The following SLIT3 variants were observed in gnomAD, a reference collection of about 807,000 sequenced individuals.
SLIT3 encodes slit homolog 3 protein.
In SLIT3, 68 loss-of-function variants were observed where a neutral mutation model predicts 184.0. The ratio of observed to expected loss-of-function variants is 0.37; its 90% CI spans 0.30 to 0.45. The LOEUF is 0.45. SLIT3 is among the 20% of genes least tolerant of loss of function. SLIT3 has a pLI of 1.00. For synonymous variants in SLIT3, 831 were observed against 828.6 expected (o/e 1.00, Z -0.05); for missense variants, 1,707 against 2,026.0 (o/e 0.84, Z 3.02).
chr5:169,258,033 T>C (rs1483682491), intron 1 of SLIT3, among the ~76,000 whole-genome samples: 1 of 152,182 alleles, frequency 6.6e-6, no homozygotes, highest in Non-Finnish European at 1.5e-5. Flanking sequence ...ACAGCAACCA[T>C]ATATGGTAGG....
At chr5:168,751,570 C>G (rs968750012) in intron 18 of SLIT3, among the ~76,000 whole-genome samples, 2 of 152,172 alleles carry the variant, frequency 1.3e-5, no homozygotes, top group Non-Finnish European at 2.9e-5. Context: ...CAGCCAGGAT[C>G]TGAACCTAGG....
intron 4 of SLIT3, among the ~76,000 whole-genome samples, chr5:168,935,360 C>T (rs964110306): frequency 6.6e-6 from 1 of 152,104 alleles, no homozygotes; most frequent in East Asian, 1.9e-4. Context: ...GGCCACACCC[C>T]CTCCAGGAAG....
intron 2 of SLIT3, among the ~76,000 whole-genome samples, chr5:169,249,403 T>A (rs901136680): frequency 3.3e-5 from 5 of 152,206 alleles, no homozygotes; most frequent in African/African-American, 1.2e-4. Flanking sequence ...TTGTAGACCA[T>A]CCAGGGGATA....
chr5:168,754,188 G>A (rs1366280882), intron 16 of SLIT3, among the ~76,000 whole-genome samples, 181 bp from the exon 17 acceptor site: 3 of 152,194 alleles, frequency 2.0e-5, no homozygotes, highest in African/African-American at 7.2e-5. Context: ...CTGGCCCAGG[G>A]AGCAGGGACC....
chr5:168,915,192 C>T (rs1188792038), intron 4 of SLIT3, among the ~76,000 whole-genome samples: 1 of 152,132 alleles, frequency 6.6e-6, no homozygotes, highest in Non-Finnish European at 1.5e-5. Context: ...CTTTGCTTTT[C>T]ATATGAATTC....
At chr5:168,929,527 G>T (rs77183089) in intron 4 of SLIT3, among the ~76,000 whole-genome samples, 160 of 152,308 alleles carry the variant, frequency 1.1e-3, no homozygotes, top group Non-Finnish European at 1.8e-3. Flanking sequence ...ACCCAGGGAT[G>T]CTCTGGAATC....
intron 5 of SLIT3, among the ~76,000 whole-genome samples, chr5:168,865,679 G>A (rs1490909628): frequency 1.3e-5 from 2 of 152,136 alleles, no homozygotes; most frequent in Non-Finnish European, 2.9e-5. Context: ...TGAAATGGAT[G>A]CATTTTTTAG....
intron 4 of SLIT3, among the ~76,000 whole-genome samples, chr5:169,053,773 G>C (rs1005713769): frequency 6.6e-6 from 1 of 151,698 alleles, no homozygotes; most frequent in Non-Finnish European, 1.5e-5. Flanking sequence ...CAAAGCCCTG[G>C]TTCCTGTGAA....
intron 4 of SLIT3, among the ~76,000 whole-genome samples, chr5:169,035,633 T>C (rs185674479): frequency 2.8e-4 from 37 of 133,728 alleles, no homozygotes; most frequent in Non-Finnish European, 4.8e-4. Flanking sequence ...TGGGTGACAG[T>C]GAGACTGCAT....
At chr5:168,825,338 A>T (rs1036599999) in intron 6 of SLIT3, among the ~76,000 whole-genome samples, 2 of 152,174 alleles carry the variant, frequency 1.3e-5, no homozygotes, top group Non-Finnish European at 2.9e-5. Flanking sequence ...TTGTGAGCCC[A>T]GTCCAAAGCA....
At chr5:169,132,332 G>A (rs1384657757) in intron 4 of SLIT3, among the ~76,000 whole-genome samples, 1 of 152,076 alleles carries the variant, frequency 6.6e-6, no homozygotes, top group Non-Finnish European at 1.5e-5. Flanking sequence ...GGAAAAAGAA[G>A]GCATGCCAAG....
chr5:168,895,751 A>G (rs931033716), intron 4 of SLIT3, among the ~76,000 whole-genome samples: 1 of 152,242 alleles, frequency 6.6e-6, no homozygotes, highest in Non-Finnish European at 1.5e-5. Flanking sequence ...GCTGATATTG[A>G]CTACAGGAGA....
intron 4 of SLIT3, among the ~76,000 whole-genome samples, chr5:168,884,551 T>G (rs1296047201): frequency 2.1e-5 from 2 of 94,982 alleles, no homozygotes; most frequent in East Asian, 3.8e-4. Flanking sequence ...AATTACGAGA[T>G]ATATATATAT....
rs1450898168 is a variant in SLIT3, at chr5:168,930,211, C to T, written c.414-46875G>A. On this transcript the variant is annotated intron_variant, in intron 4 of 35. Transcript: ENST00000519560. The stretch of plus-strand genomic sequence containing the variant: ...TGATTCTTATCCCTCCTACCTTTGA[C>T]ACCCCATGGCCCGCATTTTTGCCAA... Among the ~76,000 whole-genome samples, 7 of 152,192 alleles carry T rather than the reference C, an allele frequency of 4.6e-5. No homozygotes were observed. In the East Asian group the frequency reaches 1.3e-3, roughly 29 times the overall value.
chr5:168,926,077 T>C (rs139692304), intron 4 of SLIT3, among the ~76,000 whole-genome samples: 218 of 152,184 alleles, frequency 1.4e-3, no homozygotes, highest in African/African-American at 5.0e-3. Context: ...GAATTCAGGA[T>C]AGCCAAAAAA....
chr5:169,283,010 T>C (rs1767040905), intron 1 of SLIT3, among the ~76,000 whole-genome samples: 1 of 152,224 alleles, frequency 6.6e-6, no homozygotes, highest in African/African-American at 2.4e-5. Context: ...GCAGGCAAGT[T>C]TGAGAACCAG....
At chr5:169,098,086 C>T (rs545453005) in intron 4 of SLIT3, among the ~76,000 whole-genome samples, 197 of 152,266 alleles carry the variant, frequency 1.3e-3, no homozygotes, top group African/African-American at 4.4e-3. Flanking sequence ...AGGCAAGCTG[C>T]CTGGGCCTTC....
chr5:169,217,566 C>A (rs1416145179), intron 3 of SLIT3, among the ~76,000 whole-genome samples: 9 of 152,172 alleles, frequency 5.9e-5, no homozygotes, highest in Admixed American at 5.9e-4. Context: ...CCTGATCCAG[C>A]CTGGGGTTCC....
intron 4 of SLIT3, among the ~76,000 whole-genome samples, chr5:168,904,858 G>T (rs1760993085): frequency 6.6e-6 from 1 of 152,124 alleles, no homozygotes; most frequent in Non-Finnish European, 1.5e-5. Flanking sequence ...CAAACTCACA[G>T]CCTTCTTTAC....
Sources: gnomAD v4.1 joint callset for allele counts (sites outside exome capture counted in the v4.1 genomes callset) on GRCh38, gnomAD v4.1.1 for gene constraint, MANE v1.5 for transcripts, NCBI Gene and HGNC (gene_info 2026-07-23, HGNC 2026-07-21) for gene names.